Variants in DIAPH2 observed in about 807,000 individuals in gnomAD.
DIAPH2 encodes diaphanous related formin 2, also known as protein diaphanous homolog 2.
Under a neutral mutation model 92.7 loss-of-function variants are expected in DIAPH2, and 35 were observed. The ratio of observed to expected loss-of-function variants is 0.38; its 90% confidence interval spans 0.29 to 0.50. The LOEUF (loss-of-function observed/expected upper bound fraction) is 0.50, where lower values mean the gene tolerates loss of function less well. Among genes scored for constraint, DIAPH2 ranks in the 20% least tolerant of loss-of-function variants. The pLI, the probability that DIAPH2 is intolerant of heterozygous loss-of-function variation, is 0.94. For synonymous variants in DIAPH2, 301 were observed against 280.4 expected (o/e 1.07, Z -0.73); for missense variants, 701 against 819.5 (o/e 0.86, Z 1.77).
intron 4 of DIAPH2, among the ~76,000 whole-genome samples, chrX:96,840,375 GT>G (rs2064927384): frequency 9.0e-6 from 1 of 111,696 alleles, no homozygotes; most frequent in Admixed American, 9.5e-5. Context: ...GTCTTCTGTA[GT>G]TTTGGAGAGT....
chrX:96,764,342 A>G (rs1377862594), intron 4 of DIAPH2, among the ~76,000 whole-genome samples: 1 of 110,542 alleles, frequency 9.0e-6, no homozygotes, highest in Non-Finnish European at 1.9e-5. Flanking sequence ...CAGATTCTGG[A>G]AGTAATATTA....
chrX:97,569,986 T>A (rs771170332), intron 26 of DIAPH2, among the ~76,000 whole-genome samples: 129 of 98,206 alleles, frequency 1.3e-3, no homozygotes, highest in African/African-American at 4.5e-3. Flanking sequence ...TGGATTTCAA[T>A]TAAATAATTC....
At chrX:97,369,114 G>T (rs2069416026) in intron 24 of DIAPH2, among the ~76,000 whole-genome samples, 1 of 109,450 alleles carries the variant, frequency 9.1e-6, no homozygotes, top group Non-Finnish European at 1.9e-5. Flanking sequence ...CTCCATGTTG[G>T]TCAGGCTGGT....
intron 24 of DIAPH2, among the ~76,000 whole-genome samples, chrX:97,352,180 AC>A (rs1187546617): frequency 9.0e-6 from 1 of 111,168 alleles, no homozygotes; most frequent in African/African-American, 3.3e-5. Context: ...TGCATGTGCT[AC>A]CAAAAATTAC....
chrX:97,507,933 C>T (rs995166113), intron 26 of DIAPH2, among the ~76,000 whole-genome samples: 1 of 110,923 alleles, frequency 9.0e-6, no homozygotes, highest in Non-Finnish European at 1.9e-5. Flanking sequence ...GAGTTGGATT[C>T]GTAGAGCCAG....
intron 26 of DIAPH2, among the ~76,000 whole-genome samples, chrX:97,531,496 G>A (rs1325623264): frequency 9.0e-6 from 1 of 111,621 alleles, no homozygotes; most frequent in African/African-American, 3.3e-5. Flanking sequence ...TACAGACATA[G>A]CATACATCAC....
At chrX:96,944,578 G>T (rs1311233722) in intron 13 of DIAPH2, among the ~76,000 whole-genome samples, 1 of 111,534 alleles carries the variant, frequency 9.0e-6, no homozygotes, top group Non-Finnish European at 1.9e-5. Context: ...ACATTTTATA[G>T]TCTCTCTCAT....
intron 22 of DIAPH2, among the ~76,000 whole-genome samples, chrX:97,209,603 CT>C (rs2067823797): frequency 9.0e-6 from 1 of 111,028 alleles, no homozygotes; most frequent in Admixed American, 9.6e-5. Context: ...AGCTTGAATT[CT>C]TTATATAACA....
intron 22 of DIAPH2, among the ~76,000 whole-genome samples, chrX:97,154,458 AATT>A (rs1306564732): frequency 5.4e-5 from 6 of 112,040 alleles, no homozygotes; most frequent in African/African-American, 1.9e-4. Context: ...TGGGAAGGTC[AATT>A]ATTATAATTA....
chrX:96,991,328 G>A (rs2066068781), intron 17 of DIAPH2, among the ~76,000 whole-genome samples: 1 of 109,655 alleles, frequency 9.1e-6, no homozygotes, highest in South Asian at 3.9e-4. Context: ...ATGTTGGCCA[G>A]GCTGGTCTCA....
At chrX:97,599,008 A>ATTTC (rs752004183) in intron 26 of DIAPH2, among the ~76,000 whole-genome samples, 1 of 111,808 alleles carries the variant, frequency 8.9e-6, no homozygotes, top group Non-Finnish European at 1.9e-5. Flanking sequence ...GACTGCTTCC[A>ATTTC]TTTCTTTTAT....
intron 26 of DIAPH2, among the ~76,000 whole-genome samples, chrX:97,541,616 A>G (rs1021411541): frequency 8.9e-6 from 1 of 112,168 alleles, no homozygotes; most frequent in African/African-American, 3.2e-5. Flanking sequence ...ATGCAGATGT[A>G]TCTTCATTTC....
intron 4 of DIAPH2, among the ~76,000 whole-genome samples, chrX:96,803,509 C>T (rs1306520374): frequency 9.0e-6 from 1 of 111,470 alleles, no homozygotes; most frequent in African/African-American, 3.3e-5. Context: ...AATTTATATA[C>T]TGAACTGATT....
intron 4 of DIAPH2, among the ~76,000 whole-genome samples, chrX:96,850,800 G>A (rs193006533): frequency 2.2e-3 from 247 of 111,804 alleles, no homozygotes; most frequent in African/African-American, 7.8e-3. Context: ...CATTCTCTGA[G>A]GCATACAACA....
intron 22 of DIAPH2, among the ~76,000 whole-genome samples, chrX:97,162,544 AC>A (rs2067381902): frequency 9.0e-6 from 1 of 111,118 alleles, no homozygotes; most frequent in Non-Finnish European, 1.9e-5. Flanking sequence ...TCCCTCTGTT[AC>A]CCAGGCTGGA....
At chrX:97,500,860 A>G (rs1330224159) in intron 26 of DIAPH2, among the ~76,000 whole-genome samples, 6 of 101,013 alleles carry the variant, frequency 5.9e-5, no homozygotes, top group Admixed American at 1.1e-4. Context: ...CTCCTTTGCC[A>G]GTTCTCCAAA....
chrX:96,878,729 G>T (rs915176823), intron 4 of DIAPH2, among the ~76,000 whole-genome samples: 1 of 111,298 alleles, frequency 9.0e-6, no homozygotes, highest in Non-Finnish European at 1.9e-5. Context: ...GACTAATCCT[G>T]TAGGGAATCA....
At chrX:97,416,654 G>A (rs1338711756) in intron 25 of DIAPH2, among the ~76,000 whole-genome samples, 1 of 111,740 alleles carries the variant, frequency 8.9e-6, no homozygotes, top group Admixed American at 9.5e-5. Flanking sequence ...GGACTATTGT[G>A]CCTGGAGGGA....
intron 3 of DIAPH2, among the ~76,000 whole-genome samples, chrX:96,755,675 A>C (rs1007340266): frequency 3.7e-5 from 4 of 108,385 alleles, no homozygotes; most frequent in African/African-American, 1.3e-4. Flanking sequence ...AAAATAAAAT[A>C]ACATTGATAC....
Sources: allele counts gnomAD v4.1 joint callset (sites outside exome capture counted in the v4.1 genomes callset), GRCh38; gene constraint gnomAD v4.1.1; transcripts MANE v1.5; gene names NCBI Gene and HGNC (gene_info 2026-07-23, HGNC 2026-07-21).